ZNF569: variants seen among roughly 807,000 people sequenced by gnomAD.
ZNF569 encodes DNA-binding protein.
Under a neutral mutation model 56.3 loss-of-function variants are expected in ZNF569, and 38 were observed. The ratio of observed to expected loss-of-function variants is 0.68; its 90% CI spans 0.52 to 0.88. The LOEUF is 0.88. Ranked by LOEUF, ZNF569 falls within the 40% of genes least tolerant of loss-of-function variation. The probability of loss-of-function intolerance (pLI) is 0.00; values close to 1 mark genes in which losing one functional copy is unlikely to be tolerated. For synonymous variants in ZNF569, 241 were observed against 262.9 expected (o/e 0.92, Z 0.81); for missense variants, 666 against 809.2 (o/e 0.82, Z 2.15).
intron 3 of ZNF569, among the ~76,000 whole-genome samples, chr19:37,440,546 G>A (rs77309323): frequency 0.038 from 5,795 of 152,156 alleles, 128 homozygotes; most frequent in African/African-American, 0.064. Flanking sequence ...CCACTGAATC[G>A]TAGAATGATT....
In ZNF569 at chr19:37,423,702, TA is replaced by T. The variant is rs2041076068; in HGVS notation, c.238+2165del. Among the ~76,000 whole-genome samples the T allele has an allele frequency of 2.0e-5, 3 of 152,218 alleles. No homozygotes were observed. In the East Asian group the frequency reaches 5.8e-4, roughly 29 times the overall value. ...CAATATGTTAAGAGTTCATACAAAT[TA>T]AGAACTTGACAGAAACAAGGGCAAA... is the stretch of plus-strand genomic sequence containing the variant. On this transcript the variant is annotated intron_variant, in intron 5 of 5. Transcript: ENST00000316950.
chr19:37,469,116 C>G (rs2041906087), upstream of ZNF569: 1 of 1,069,682 alleles, frequency 9.3e-7, no homozygotes, highest in South Asian at 3.1e-5. Flanking sequence ...GTGACCGGGC[C>G]AGGCTCGGAG....
chr19:37,466,131 T>C (rs1376387658), intron 1 of ZNF569, among the ~76,000 whole-genome samples: 2 of 152,294 alleles, frequency 1.3e-5, no homozygotes, highest in South Asian at 4.1e-4. Flanking sequence ...TGACAGTAGT[T>C]GCATGGCCTG....
intron 2 of ZNF569, among the ~76,000 whole-genome samples, chr19:37,448,547 T>C (rs1287119922): frequency 6.6e-6 from 1 of 150,532 alleles, no homozygotes; most frequent in Non-Finnish European, 1.5e-5. Context: ...TCCTGAATTA[T>C]GCTGTAATCT....
At chr19:37,453,607 T>C (rs1274489076) in intron 2 of ZNF569, among the ~76,000 whole-genome samples, 1 of 152,242 alleles carries the variant, frequency 6.6e-6, no homozygotes, top group East Asian at 1.9e-4. Context: ...GACAATTTTT[T>C]TCTTGTTATC....
intron 5 of ZNF569, among the ~76,000 whole-genome samples, chr19:37,416,686 T>TC (rs1451435639): frequency 6.6e-6 from 1 of 152,228 alleles, no homozygotes; most frequent in Non-Finnish European, 1.5e-5. Flanking sequence ...GTTGCTTTTT[T>TC]CCCCTGAATA....
At chr19:37,449,425 C>T (rs2112923) in intron 2 of ZNF569, among the ~76,000 whole-genome samples, 41,309 of 151,996 alleles carry the variant, frequency 0.27, 7,018 homozygotes, top group African/African-American at 0.47. Context: ...CACGCTCTAT[C>T]GATTCCTGAA....
chr19:37,448,059 T>A (rs1474360594), intron 2 of ZNF569, among the ~76,000 whole-genome samples: 1 of 152,186 alleles, frequency 6.6e-6, no homozygotes, highest in African/African-American at 2.4e-5. Context: ...TTGTAATATC[T>A]TTGGCTTTGG....
chr19:37,461,426 G>A (rs192512744), intron 2 of ZNF569, among the ~76,000 whole-genome samples: 186 of 151,688 alleles, frequency 1.2e-3, no homozygotes, highest in Non-Finnish European at 2.0e-3. Flanking sequence ...CCTGCCTCAG[G>A]CTCCAGAGTA....
At chr19:37,444,884 C>T (rs1235339447) in intron 3 of ZNF569, 23 bp downstream of exon 3, 7 of 1,595,946 alleles carry the variant, frequency 4.4e-6, no homozygotes, top group Middle Eastern at 1.7e-4. Flanking sequence ...AGGCAAGAAA[C>T]AAATACACTA....
intron 3 of ZNF569, among the ~76,000 whole-genome samples, chr19:37,429,284 A>C (rs1211826531): frequency 2.6e-5 from 4 of 152,226 alleles, no homozygotes; most frequent in Non-Finnish European, 5.9e-5. Context: ...TAGACTGGTA[A>C]GTCAATGCGA....
chr19:37,436,862 A>G (rs1330565965), intron 3 of ZNF569, among the ~76,000 whole-genome samples: 1 of 152,094 alleles, frequency 6.6e-6, no homozygotes, highest in Non-Finnish European at 1.5e-5. Context: ...TCAGAACCCA[A>G]TGGCTTCACT....
At chr19:37,460,029 G>A (rs1473725170) in intron 2 of ZNF569, among the ~76,000 whole-genome samples, 2 of 152,146 alleles carry the variant, frequency 1.3e-5, no homozygotes, top group South Asian at 2.1e-4. Context: ...AGACAAAGGA[G>A]GGGAGAAGAG....
intron 4 of ZNF569, 58 bp from the exon 5 acceptor site, chr19:37,426,021 A>C (rs1600302289): frequency 6.4e-7 from 1 of 1,569,362 alleles, no homozygotes; most frequent in African/African-American, 1.4e-5. Context: ...AGAACCACCC[A>C]AAAATTGAGG....
At chr19:37,468,962 C>A, upstream of ZNF569, 1 of 784,234 alleles carries the variant, frequency 1.3e-6, no homozygotes, top group Non-Finnish European at 1.5e-6. Context: ...GCGCCACTAG[C>A]GCGTTCCCAC....
chr19:37,453,272 C>A (rs1010163988), intron 2 of ZNF569, among the ~76,000 whole-genome samples: 3 of 152,190 alleles, frequency 2.0e-5, no homozygotes, highest in Admixed American at 6.5e-5. Context: ...AATCTCCCTA[C>A]TAGCTTCACT....
At chr19:37,447,364 A>G (rs943721108) in intron 2 of ZNF569, among the ~76,000 whole-genome samples, 1 of 152,188 alleles carries the variant, frequency 6.6e-6, no homozygotes, top group Admixed American at 6.5e-5. Flanking sequence ...GGAACAAAAT[A>G]AAGGCATAAA....
chr19:37,444,387 T>C (rs2041458271), intron 3 of ZNF569, among the ~76,000 whole-genome samples: 1 of 152,236 alleles, frequency 6.6e-6, no homozygotes. Flanking sequence ...TCATCTGTTC[T>C]TTTTTATTGT....
intron 3 of ZNF569, among the ~76,000 whole-genome samples, chr19:37,443,694 G>T (rs2041446001): frequency 6.6e-6 from 1 of 151,982 alleles, no homozygotes; most frequent in Admixed American, 6.6e-5. Flanking sequence ...TCTTTCTTAA[G>T]ATAGTCTAGT....
Sources: allele counts gnomAD v4.1 joint callset (sites outside exome capture counted in the v4.1 genomes callset), GRCh38; gene constraint gnomAD v4.1.1; transcripts MANE v1.5; gene names NCBI Gene and HGNC (gene_info 2026-07-23, HGNC 2026-07-21).